Variants in PLD5 observed in about 807,000 individuals in gnomAD.
PLD5 encodes phospholipase D family member 5.
In PLD5, 36 loss-of-function variants were observed where a neutral mutation model predicts 61.1. The ratio of observed to expected loss-of-function variants is 0.59; its 90% CI spans 0.45 to 0.78. The LOEUF is 0.78. PLD5 is among the 30% of genes least tolerant of loss of function. The pLI is 0.00. For synonymous variants in PLD5, 243 were observed against 242.8 expected (o/e 1.00, Z -0.01); for missense variants, 515 against 644.4 (o/e 0.80, Z 2.17).
At chr1:242,262,847 G>T (rs1673449728) in intron 4 of PLD5, among the ~76,000 whole-genome samples, 1 of 151,962 alleles carries the variant, frequency 6.6e-6, no homozygotes. Flanking sequence ...GAGGGATACA[G>T]GTGGAGATGG....
At chr1:242,352,885 A>T (rs1660554322) in intron 1 of PLD5, among the ~76,000 whole-genome samples, 2 of 152,138 alleles carry the variant, frequency 1.3e-5, no homozygotes, top group Non-Finnish European at 2.9e-5. Flanking sequence ...TCTTAATCAG[A>T]TTACTAGTTT....
chr1:242,216,646 C>G (rs113606076), intron 5 of PLD5, among the ~76,000 whole-genome samples: 78 of 152,200 alleles, frequency 5.1e-4, no homozygotes, highest in Middle Eastern at 3.2e-3. Context: ...TTCAGGGCCA[C>G]GACTCTTTAC....
rs577851066 is a variant in PLD5 at position 242,291,667 on chromosome 1, G to A, written c.327-3137C>T. Among the ~76,000 whole-genome samples, 91 of 152,104 alleles carry A rather than the reference G, an allele frequency of 6.0e-4. 1 individual carries two copies. Among genetic ancestry groups the A allele is most frequent in the Admixed American group, 1.2e-3 (18 of 15,290 alleles). On this transcript the variant is annotated intron_variant, in intron 2 of 9. Coordinates refer to ENST00000536534, the MANE Select transcript of PLD5 (RefSeq NM_001372062.1). ...TAAAAATACAAAAAATTAGCCAGGCGTGGTGGTGGGCGCCTGTAGTCCCAG... is the reference window on the plus strand; with the variant it reads ...TAAAAATACAAAAAATTAGCCAGGCATGGTGGTGGGCGCCTGTAGTCCCAG...
At chr1:242,165,517 G>A (rs1012597837) in intron 5 of PLD5, among the ~76,000 whole-genome samples, 17 of 151,006 alleles carry the variant, frequency 1.1e-4, no homozygotes, top group African/African-American at 3.6e-4. Context: ...AAAAAAGCAT[G>A]TCTCAAACCT....
intron 8 of PLD5, among the ~76,000 whole-genome samples, chr1:242,101,907 AC>A (rs769942487): frequency 1.3e-5 from 2 of 152,266 alleles, no homozygotes; most frequent in Non-Finnish European, 2.9e-5. Context: ...CTACTTAAAA[AC>A]TGTCTATTCC....
intron 6 of PLD5, among the ~76,000 whole-genome samples, chr1:242,117,746 T>C (rs1662059959): frequency 6.6e-6 from 1 of 151,232 alleles, no homozygotes; most frequent in African/African-American, 2.5e-5. Context: ...TACTATTTAT[T>C]TCTTTTGCTT....
At chr1:242,245,577 ATC>A (rs1295725997) in intron 4 of PLD5, among the ~76,000 whole-genome samples, 1 of 152,222 alleles carries the variant, frequency 6.6e-6, no homozygotes, top group Non-Finnish European at 1.5e-5. Flanking sequence ...GTTAGGTCCT[ATC>A]TCTGCACACC....
At position 242,428,727 on chromosome 1, in the gene PLD5, A is replaced by G. The variant is rs572156291; in HGVS notation, c.190-80485T>C. Among the ~76,000 whole-genome samples the G allele has an allele frequency of 9.2e-5, 14 of 152,220 alleles. No individual in the cohort carries two copies. The South Asian group carries it at 1.7e-3, about 18-fold the overall frequency. On this transcript the variant is annotated intron_variant, in intron 1 of 9. Coordinates refer to ENST00000536534, the MANE Select transcript of PLD5 (RefSeq NM_001372062.1). Reference sequence around the variant, plus strand: ...ATTCTATACCAAAGAAGAAGAAGAAAAAAAAACCTTGTAGAACCAACCCTT... The same window carrying G: ...ATTCTATACCAAAGAAGAAGAAGAAGAAAAAACCTTGTAGAACCAACCCTT...
At chr1:242,098,501 C>T (rs1003663891) in intron 9 of PLD5, among the ~76,000 whole-genome samples, 3 of 152,132 alleles carry the variant, frequency 2.0e-5, no homozygotes, top group African/African-American at 2.4e-5. Flanking sequence ...GCCATGGGTT[C>T]GAACTTCCTA....
chr1:242,288,326 A>G (rs1370613589), intron 3 of PLD5, 36 bp downstream of exon 3: 1 of 1,589,044 alleles, frequency 6.3e-7, no homozygotes, highest in Non-Finnish European at 8.5e-7. Flanking sequence ...AATGCACATA[A>G]GTAAAATCAT....
intron 1 of PLD5, among the ~76,000 whole-genome samples, chr1:242,373,110 A>G (rs909175511): frequency 6.6e-6 from 1 of 152,114 alleles, no homozygotes; most frequent in Admixed American, 6.5e-5. Flanking sequence ...AAAAACAACA[A>G]CCCCATCAAA....
intron 1 of PLD5, among the ~76,000 whole-genome samples, chr1:242,421,441 G>A (rs902362003): frequency 2.6e-5 from 4 of 152,118 alleles, no homozygotes; most frequent in African/African-American, 9.7e-5. Flanking sequence ...GAGCAGAGAA[G>A]GTCAATCTGA....
chr1:242,112,317 G>GTAAGTATA (rs1558232882), intron 7 of PLD5, among the ~76,000 whole-genome samples: 14 of 101,068 alleles, frequency 1.4e-4, no homozygotes, highest in African/African-American at 7.4e-4. Flanking sequence ...GTGTGTGTGT[G>GTAAGTATA]TGTGTGTATG....
intron 1 of PLD5, among the ~76,000 whole-genome samples, chr1:242,398,332 C>A (rs912564838): frequency 1.3e-5 from 2 of 152,144 alleles, no homozygotes; most frequent in Non-Finnish European, 2.9e-5. Context: ...AAGGTTGAAT[C>A]GTCTCGCTGT....
At chr1:242,348,725 A>G (rs2149220637) in intron 1 of PLD5, among the ~76,000 whole-genome samples, 1 of 152,316 alleles carries the variant, frequency 6.6e-6, no homozygotes, top group South Asian at 2.1e-4. Context: ...TGGTTGGGCC[A>G]TAACTTGGTT....
chr1:242,347,559 A>T (rs1379750557), intron 2 of PLD5, among the ~76,000 whole-genome samples: 1 of 152,118 alleles, frequency 6.6e-6, no homozygotes, highest in Non-Finnish European at 1.5e-5. Context: ...ATGCTACTTA[A>T]TGTAACTGAA....
intron 2 of PLD5, among the ~76,000 whole-genome samples, chr1:242,318,329 C>T (rs1866531): frequency 0.082 from 12,429 of 152,162 alleles, 725 homozygotes; most frequent in East Asian, 0.29. Flanking sequence ...CGTGTTCCTC[C>T]TGCGGGAGGG....
At chr1:242,417,454 C>A (rs1000157735) in intron 1 of PLD5, among the ~76,000 whole-genome samples, 2 of 152,118 alleles carry the variant, frequency 1.3e-5, no homozygotes, top group Non-Finnish European at 2.9e-5. Flanking sequence ...CTAGAAATTT[C>A]TGCATAATCT....
chr1:242,485,173 C>T (rs1054788415), intron 1 of PLD5, among the ~76,000 whole-genome samples: 4 of 152,146 alleles, frequency 2.6e-5, no homozygotes, highest in African/African-American at 9.7e-5. Flanking sequence ...CCTCTCTCAC[C>T]ACTCCTATTC....
Sources: allele counts gnomAD v4.1 joint callset (sites outside exome capture counted in the v4.1 genomes callset), GRCh38; gene constraint gnomAD v4.1.1; transcripts MANE v1.5; gene names NCBI Gene and HGNC (gene_info 2026-07-23, HGNC 2026-07-21).